Variants in UACA observed in about 807,000 individuals in gnomAD.
The protein encoded by UACA is uveal autoantigen with coiled-coil domains and ankyrin repeats.
UACA carries 112 observed loss-of-function variants against 160.5 expected under a neutral mutation model. That is an observed-to-expected ratio of 0.70 (90% CI 0.60 to 0.82). UACA has a LOEUF of 0.82. UACA is among the 40% of genes least tolerant of loss of function. The probability of loss-of-function intolerance (pLI) is 0.00; values close to 1 mark genes in which losing one functional copy is unlikely to be tolerated. For missense variants in UACA, 1,574 were observed against 1,614.6 expected (o/e 0.97, Z 0.43); for synonymous variants, 557 against 568.4 (o/e 0.98, Z 0.29).
At chr15:70,769,193 C>T in the UACA span, among the ~76,000 whole-genome samples, 1 of 151,876 alleles carries the variant, frequency 6.6e-6, no homozygotes, top group African/African-American at 2.4e-5. Flanking sequence ...CCCATCTCTA[C>T]TAAAAATACA....
At chr15:70,717,540 A>G (rs1898857171) in intron 1 of UACA, among the ~76,000 whole-genome samples, 1 of 152,242 alleles carries the variant, frequency 6.6e-6, no homozygotes, top group Admixed American at 6.5e-5. Flanking sequence ...AATGGGCAGT[A>G]GGCCACAGTT....
chr15:70,660,245 G>C (rs376099768), intron 17 of UACA, 29 bp from the exon 18 acceptor site: 36 of 1,589,640 alleles, frequency 2.3e-5, no homozygotes, highest in Non-Finnish European at 2.5e-5. Context: ...GGACAGATGT[G>C]ACTATCAGCG....
the UACA span, among the ~76,000 whole-genome samples, chr15:70,772,343 A>G: frequency 6.6e-6 from 1 of 152,038 alleles, no homozygotes; most frequent in East Asian, 1.9e-4. Flanking sequence ...AATACAAAAA[A>G]TTAGCCAGGC....
intron 17 of UACA, among the ~76,000 whole-genome samples, chr15:70,663,073 G>A (rs1215652996): frequency 6.6e-6 from 1 of 152,028 alleles, no homozygotes; most frequent in Non-Finnish European, 1.5e-5. Flanking sequence ...GAGTGAACAG[G>A]CAACCTACAG....
At chr15:70,689,218 A>ACC (rs1897838000) in intron 5 of UACA, among the ~76,000 whole-genome samples, 1 of 152,176 alleles carries the variant, frequency 6.6e-6, no homozygotes, top group East Asian at 1.9e-4. Flanking sequence ...AGATAGAAAG[A>ACC]ATTCAGTTTT....
Position 70,707,355 on chromosome 15 carries a change from G to A in UACA, c.79-7695C>T, listed in dbSNP as rs74395491. Among the ~76,000 whole-genome samples the A allele has an allele frequency of 5.0e-3, 757 of 152,158 alleles. 5 individuals carry two copies. The highest frequency in any genetic ancestry group is 0.018 in the African/African-American group (728 of 41,526). ...AGAAGAAAACACAGGAGAAAACTTCGTAAATTGGATTTGGCAATGATTTCC... is the reference window on the plus strand; with the variant it reads ...AGAAGAAAACACAGGAGAAAACTTCATAAATTGGATTTGGCAATGATTTCC... On this transcript the variant is annotated intron_variant, in intron 1 of 18. Transcript: ENST00000322954.
intron 2 of UACA, among the ~76,000 whole-genome samples, chr15:70,698,771 C>G (rs1898222491): frequency 6.6e-6 from 1 of 151,998 alleles, no homozygotes; most frequent in African/African-American, 2.4e-5. Flanking sequence ...AAAGGGTTCC[C>G]AGATAAGGTT....
At chr15:70,776,867 T>A in the UACA span, among the ~76,000 whole-genome samples, 7 of 152,206 alleles carry the variant, frequency 4.6e-5, no homozygotes, top group South Asian at 1.2e-3. Flanking sequence ...ATATAGTGTA[T>A]CAAAAAGTTA....
Position 70,656,924 on chromosome 15 carries a change from A to C in UACA, c.*132T>G, listed in dbSNP as rs1595860381. 1.8e-6 allele frequency: 1 copy of C among 563,348 alleles called. No individual in the cohort carries two copies. 34.9% of individuals were successfully genotyped at this position (563,348 alleles called of 1,614,324 possible). ...CATATTCATCTAATTTTAAAAAAAA[A>C]CCTACCAATAGAACAAAATATATTT... is the stretch of plus-strand genomic sequence containing the variant. On this transcript the variant is annotated 3_prime_UTR_variant, in exon 19 of 19. Coordinates refer to ENST00000322954, the MANE Select transcript of UACA (RefSeq NM_018003.4).
the UACA span, among the ~76,000 whole-genome samples, chr15:70,772,344 T>C: frequency 4.0e-5 from 6 of 151,620 alleles, no homozygotes; most frequent in African/African-American, 1.2e-4. Flanking sequence ...ATACAAAAAA[T>C]TAGCCAGGCG....
At chr15:70,666,567 C>T (rs976523457) in intron 16 of UACA, among the ~76,000 whole-genome samples, 157 bp downstream of exon 16, 4 of 152,140 alleles carry the variant, frequency 2.6e-5, no homozygotes, top group African/African-American at 4.8e-5. Flanking sequence ...TGTGTTACTT[C>T]ACTTTTTTTT....
chr15:70,743,766 G>A (rs1899609295), intron 1 of UACA, among the ~76,000 whole-genome samples: 1 of 152,166 alleles, frequency 6.6e-6, no homozygotes, highest in Non-Finnish European at 1.5e-5. Flanking sequence ...CAGTATGAAA[G>A]TGAAAATAAA....
chr15:70,740,117 T>C (rs1439379931), intron 1 of UACA, among the ~76,000 whole-genome samples: 1 of 152,204 alleles, frequency 6.6e-6, no homozygotes, highest in African/African-American at 2.4e-5. Context: ...TTAATCTAAA[T>C]TGTTTCCACA....
chr15:70,753,559 T>C (rs1474427095), intron 1 of UACA, among the ~76,000 whole-genome samples: 1 of 152,216 alleles, frequency 6.6e-6, no homozygotes, highest in African/African-American at 2.4e-5. Flanking sequence ...AGCTATAGTG[T>C]CTTGGGCAGG....
intron 1 of UACA, among the ~76,000 whole-genome samples, chr15:70,705,373 T>C (rs1595901266): frequency 6.6e-6 from 1 of 151,632 alleles, no homozygotes; most frequent in Non-Finnish European, 1.5e-5. Context: ...CCCGTCTCTA[T>C]TAAAAATACA....
intron 13 of UACA, 38 bp from the exon 14 acceptor site, chr15:70,672,039 T>C (rs973545757): frequency 7.0e-6 from 11 of 1,561,964 alleles, no homozygotes; most frequent in Non-Finnish European, 7.8e-6. Flanking sequence ...GGGTGAATGC[T>C]GCCTCATTTT....
intron 1 of UACA, chr15:70,703,190 T>C (rs1216991226): frequency 2.3e-6 from 3 of 1,289,044 alleles, no homozygotes; most frequent in African/African-American, 3.0e-5. Flanking sequence ...CTGTTGTTGT[T>C]GTTTTTTAAC....
At chr15:70,706,865 CACCCAAGGCAATCCAG>C in intron 1 of UACA, among the ~76,000 whole-genome samples, 1 of 152,254 alleles carries the variant, frequency 6.6e-6, no homozygotes, top group East Asian at 1.9e-4. Flanking sequence ...ATGTCAATAC[CACCCAAGGCAATCCAG>C]AGATCAGTGC....
At chr15:70,694,861 A>G (rs1387322654) in intron 3 of UACA, among the ~76,000 whole-genome samples, 156 bp downstream of exon 3, 3 of 152,120 alleles carry the variant, frequency 2.0e-5, no homozygotes, top group Admixed American at 6.6e-5. Flanking sequence ...CCTCTCCCAC[A>G]ATACCTCAGA....
Sources: allele counts gnomAD v4.1 joint callset (sites outside exome capture counted in the v4.1 genomes callset), GRCh38; gene constraint gnomAD v4.1.1; transcripts MANE v1.5; gene names NCBI Gene and HGNC (gene_info 2026-07-23, HGNC 2026-07-21).